The following PRH1 variants were observed in gnomAD, a reference collection of about 807,000 sequenced individuals.
PRH1 encodes the protein salivary acidic proline-rich phosphoprotein 1/2.
In PRH1, 7 loss-of-function variants were observed where a neutral mutation model predicts 7.9. That is an observed-to-expected ratio of 0.89 (90% CI 0.50 to 1.67). The LOEUF (loss-of-function observed/expected upper bound fraction) is 1.67. Among genes scored for constraint, PRH1 ranks in the 40% most tolerant of loss-of-function variants. PRH1 has a pLI of 0.00. For synonymous variants in PRH1, 45 were observed against 80.8 expected (o/e 0.56, Z 2.38); for missense variants, 109 against 223.6 (o/e 0.49, Z 3.27).
At chr12:10,985,592 C>A (rs888284115) in intron 1 of PRH1, among the ~76,000 whole-genome samples, 1 of 152,060 alleles carries the variant, frequency 6.6e-6, no homozygotes, top group Non-Finnish European at 1.5e-5. Context: ...AAAGATCACA[C>A]AGTTTTCAAG....
At chr12:11,041,307 A>AAAAAAAAC (rs1565584500) in intron 1 of PRH1, among the ~76,000 whole-genome samples, 13 of 97,210 alleles carry the variant, frequency 1.3e-4, no homozygotes, top group African/African-American at 4.4e-4. Context: ...AAAAAAAAAA[A>AAAAAAAAC]AAAACAAAAA....
chr12:10,936,458 G>GT (rs1369731412), intron 2 of PRH1, among the ~76,000 whole-genome samples: 1 of 151,958 alleles, frequency 6.6e-6, no homozygotes, highest in African/African-American at 2.4e-5. Context: ...AATTTCATGA[G>GT]TGTCTCACCA....
chr12:11,149,173 C>T (rs1158203551), intron 1 of PRH1, among the ~76,000 whole-genome samples: 2 of 151,888 alleles, frequency 1.3e-5, no homozygotes, highest in African/African-American at 4.8e-5. Context: ...TGATTCTTCT[C>T]TCTTTTTTTC....
chr12:11,095,776 G>T lies in PRH1; in HGVS notation n.124-48588C>A, dbSNP rs1993047. ...CATGATCCTACCACTGAACTCCAGC[G>T]TGGACAACAGAGTGAGAATCCAACT... On this transcript the variant is annotated intron_variant and non_coding_transcript_variant, in intron 1 of 4. Transcript: ENST00000541977. Among the ~76,000 whole-genome samples, 9 of 114,942 alleles carry T rather than the reference G, an allele frequency of 7.8e-5. 3 individuals carry two copies. In the South Asian group the frequency reaches 2.1e-3, roughly 27 times the overall value. The allele number at this position is 114,942 out of a possible 152,430, so 75.4% of individuals were successfully genotyped here.
intron 1 of PRH1, chr12:11,022,093 C>T: frequency 1.2e-6 from 2 of 1,613,898 alleles, no homozygotes; most frequent in Non-Finnish European, 1.7e-6. Flanking sequence ...AGTCACATTT[C>T]CTTCATATTC....
chr12:10,886,554 C>T (rs938690909), upstream of PRH1, among the ~76,000 whole-genome samples: 6 of 152,180 alleles, frequency 3.9e-5, no homozygotes, highest in Non-Finnish European at 2.9e-5. Context: ...GGGACACTGT[C>T]TGTGAGTGAA....
chr12:10,951,941 G>T (rs970428447), intron 2 of PRH1, among the ~76,000 whole-genome samples: 2 of 152,258 alleles, frequency 1.3e-5, no homozygotes, highest in Non-Finnish European at 2.9e-5. Context: ...GAGTCAGACT[G>T]CCAGGAAAGG....
chr12:11,032,321 C>T (rs1182446342), intron 1 of PRH1, among the ~76,000 whole-genome samples: 1 of 152,138 alleles, frequency 6.6e-6, no homozygotes, highest in African/African-American at 2.4e-5. Context: ...TAACTAAGAT[C>T]ATCACCAATG....
At chr12:10,934,876 T>G (rs1377411011) in intron 2 of PRH1, among the ~76,000 whole-genome samples, 2 of 152,196 alleles carry the variant, frequency 1.3e-5, no homozygotes, top group African/African-American at 4.8e-5. Flanking sequence ...ATCTAATCTC[T>G]TCACAATTTG....
chr12:10,899,991 GA>G lies in PRH1; in HGVS notation c.-58-15717del, dbSNP rs796604424. 2.0e-4 allele frequency among the ~76,000 whole-genome samples: 30 copies of G among 151,952 alleles called. 1 individual carries two copies. Among genetic ancestry groups the G allele is most frequent in the African/African-American group, 7.2e-4 (30 of 41,452 alleles). ...TTTATTTTCATCACATATTTAAGAA[GA>G]AAAAAATACCAACCTACATAAATTT... On this transcript the variant is annotated intron_variant, in intron 2 of 3. Transcript: ENST00000539853.
intron 2 of PRH1, among the ~76,000 whole-genome samples, chr12:10,956,238 G>C (rs1178916211): frequency 6.6e-6 from 1 of 152,120 alleles, no homozygotes; most frequent in Non-Finnish European, 1.5e-5. Context: ...AATCAAGCAG[G>C]CTTTATCACT....
At position 11,042,787 on chromosome 12, in the gene PRH1, G is replaced by A. The variant is rs541984107; in HGVS notation, c.-126+4233C>T. On this transcript the variant is annotated intron_variant, in intron 1 of 3. Transcript: ENST00000539853. ...TGGGACTACAGGCGCCCACCACCAC[G>A]CCCGGCTAAATTTTTGTATTTTTAG... 3.3e-3 allele frequency among the ~76,000 whole-genome samples: 503 copies of A among 151,606 alleles called. 2 individuals carry two copies. Among genetic ancestry groups the A allele is most frequent in the African/African-American group, 0.011 (460 of 41,306 alleles).
At chr12:11,059,701 A>T (rs1943507094) in intron 1 of PRH1, among the ~76,000 whole-genome samples, 1 of 135,166 alleles carries the variant, frequency 7.4e-6, no homozygotes, top group Admixed American at 7.6e-5. Flanking sequence ...ATTTCCCCTA[A>T]AATTGTGGAA....
intron 2 of PRH1, among the ~76,000 whole-genome samples, chr12:10,898,072 T>C (rs897390787): frequency 1.4e-4 from 21 of 152,226 alleles, no homozygotes; most frequent in African/African-American, 5.1e-4. Flanking sequence ...AAGGTATCCA[T>C]AGCATCTTTA....
intron 1 of PRH1, chr12:11,133,559 T>C: frequency 6.2e-7 from 1 of 1,614,224 alleles, no homozygotes. Context: ...GGTCACAGTT[T>C]GCAAAGCTTT....
intron 2 of PRH1, among the ~76,000 whole-genome samples, chr12:10,889,913 T>C (rs1256026883): frequency 6.6e-6 from 1 of 152,208 alleles, no homozygotes; most frequent in African/African-American, 2.4e-5. Flanking sequence ...TTTCCATTCA[T>C]TTTGAGTGTC....
rs147929955 is a variant in PRH1 at position 11,128,812 on chromosome 12, T to C, written n.40-7632A>G. 4.7e-4 allele frequency among the ~76,000 whole-genome samples: 72 copies of C among 151,710 alleles called. 1 individual carries two copies. Among genetic ancestry groups the C allele is most frequent in the Admixed American group, 7.2e-4 (11 of 15,238 alleles). ...TTAGTTTTGTTAGGAGTTAATATACTATTTCTGTAACTACTTTCAATTTTA... is the reference window on the plus strand; with the variant it reads ...TTAGTTTTGTTAGGAGTTAATATACCATTTCTGTAACTACTTTCAATTTTA... On this transcript the variant is annotated intron_variant and non_coding_transcript_variant, in intron 1 of 1. Coordinates refer to the PRH1 transcript ENST00000541175.
At position 11,101,100 on chromosome 12, in the gene PRH1, T is replaced by C. The variant is rs374948842; in HGVS notation, n.124-53912A>G. Among the ~76,000 whole-genome samples the C allele has an allele frequency of 3.9e-5, 6 of 152,216 alleles. No individual in the cohort carries two copies. The East Asian group carries it at 9.6e-4, about 24-fold the overall frequency. The stretch of plus-strand genomic sequence containing the variant: ...TAAGAAAAAAGGTGTCTATCAATCA[T>C]GGATATTCAAATTTTGATGTTTCAA... On this transcript the variant is annotated intron_variant and non_coding_transcript_variant, in intron 1 of 4. Coordinates refer to the PRH1 transcript ENST00000541977.
chr12:10,897,999 G>T (rs1949673060), intron 2 of PRH1, among the ~76,000 whole-genome samples: 1 of 152,160 alleles, frequency 6.6e-6, no homozygotes, highest in Admixed American at 6.5e-5. Context: ...TTTAGCATAT[G>T]AATGGTATCA....
Sources: gnomAD v4.1 joint callset for allele counts (sites outside exome capture counted in the v4.1 genomes callset) on GRCh38, gnomAD v4.1.1 for gene constraint, MANE v1.5 for transcripts, NCBI Gene and HGNC (gene_info 2026-07-23, HGNC 2026-07-21) for gene names.